RASGRP1: variants seen among roughly 807,000 people sequenced by gnomAD.
The protein encoded by RASGRP1 is RAS guanyl-releasing protein 1.
Under a neutral mutation model 95.1 loss-of-function variants are expected in RASGRP1, and 37 were observed. The ratio of observed to expected loss-of-function variants is 0.39; its 90% CI spans 0.30 to 0.51. The LOEUF is 0.51. RASGRP1 is among the 20% of genes least tolerant of loss of function. The pLI is 0.80. For missense variants in RASGRP1, 711 were observed against 965.4 expected (o/e 0.74, Z 3.49); for synonymous variants, 325 against 353.4 (o/e 0.92, Z 0.90).
In RASGRP1 at chr15:38,559,807, G is replaced by A. The variant is rs373307933; in HGVS notation, c.220+14C>T. 56 of 1,610,496 alleles carry A rather than the reference G, an allele frequency of 3.5e-5. No homozygotes were observed. Among genetic ancestry groups the A allele is most frequent in the Non-Finnish European group, 4.4e-5 (52 of 1,176,866 alleles). On this transcript the variant is annotated intron_variant, in intron 2 of 16. Transcript: ENST00000310803. ...AGAGTGATTTTTATGCCTGTGGGCA[G>A]TTAGCCAACTTACCAAAAGATTGAA...
chr15:38,560,040 G>C, intron 1 of RASGRP1, 35 bp from the exon 2 acceptor site: 1 of 1,543,770 alleles, frequency 6.5e-7, no homozygotes, highest in Non-Finnish European at 8.9e-7. Context: ...GGGGACAAAC[G>C]GGCAGCTCCA....
At chr15:38,560,829 G>A (rs1212403593) in intron 1 of RASGRP1, among the ~76,000 whole-genome samples, 1 of 152,162 alleles carries the variant, frequency 6.6e-6, no homozygotes, top group Non-Finnish European at 1.5e-5. Context: ...GTGTAAAAGG[G>A]CAAGTTTGGA....
chr15:38,544,881 T>G (rs943952998), intron 2 of RASGRP1, among the ~76,000 whole-genome samples: 6 of 152,246 alleles, frequency 3.9e-5, no homozygotes, highest in African/African-American at 1.4e-4. Flanking sequence ...ATGTCTGTCT[T>G]GTTTTCTGAG....
intron 8 of RASGRP1, 53 bp downstream of exon 8, chr15:38,511,551 G>A: frequency 7.2e-7 from 1 of 1,381,494 alleles, no homozygotes; most frequent in Admixed American, 1.7e-5. Context: ...GAAAATGTTG[G>A]CACACATCTT....
chr15:38,513,158 A>C (rs1052795403), intron 6 of RASGRP1, among the ~76,000 whole-genome samples: 6 of 152,238 alleles, frequency 3.9e-5, no homozygotes, highest in African/African-American at 1.4e-4. Flanking sequence ...TTCTACCCAC[A>C]GCATGATTTC....
intron 3 of RASGRP1, among the ~76,000 whole-genome samples, chr15:38,521,709 T>G (rs908212266): frequency 6.6e-6 from 1 of 152,200 alleles, no homozygotes. Context: ...TCTTCATAGC[T>G]AGTACTGTGG....
chr15:38,552,141 G>C (rs1273190139), intron 2 of RASGRP1, among the ~76,000 whole-genome samples: 1 of 152,150 alleles, frequency 6.6e-6, no homozygotes, highest in Non-Finnish European at 1.5e-5. Context: ...CTCTCATGCT[G>C]TTTTCATGTT....
chr15:38,517,478 T>C (rs1331671062), intron 5 of RASGRP1, among the ~76,000 whole-genome samples: 1 of 152,172 alleles, frequency 6.6e-6, no homozygotes, highest in African/African-American at 2.4e-5. Context: ...GAATGTAATC[T>C]TGAAATCATT....
chr15:38,497,346 T>G (rs1890834422), intron 15 of RASGRP1, among the ~76,000 whole-genome samples: 1 of 152,140 alleles, frequency 6.6e-6, no homozygotes, highest in South Asian at 2.1e-4. Flanking sequence ...CTCTCTAGAC[T>G]GTCTCATTTT....
chr15:38,511,661 G>A lies in RASGRP1; in HGVS notation c.909C>T (p.His303=), dbSNP rs1317732776. Residue 303 remains histidine (H), a synonymous_variant, in exon 8 of 17, where the codon CAC becomes CAT. Transcript: ENST00000310803. ...TCTCCTTGAGCCTCGAGATTGAGCT[G>A]TGACACAGCCCACCTATCACAGCCA... The part of the protein sequence containing the change: ...TLMAVIGGLC[H]SSISRLKETS... The A allele has an allele frequency of 6.2e-7, 1 of 1,613,550 alleles. No individual in the cohort carries two copies. The highest frequency in any genetic ancestry group is 8.5e-7 in the Non-Finnish European group (1 of 1,179,664).
At chr15:38,526,113 C>G (rs891422896) in intron 3 of RASGRP1, among the ~76,000 whole-genome samples, 186 bp downstream of exon 3, 6 of 152,062 alleles carry the variant, frequency 3.9e-5, no homozygotes, top group African/African-American at 1.4e-4. Flanking sequence ...ATAACATTGC[C>G]CCACCCAACA....
intron 2 of RASGRP1, among the ~76,000 whole-genome samples, chr15:38,545,076 CT>C (rs1893058285): frequency 6.6e-6 from 1 of 152,190 alleles, no homozygotes; most frequent in African/African-American, 2.4e-5. Flanking sequence ...ATATGTCCCA[CT>C]GGAGGTAAAT....
intron 3 of RASGRP1, among the ~76,000 whole-genome samples, chr15:38,521,832 T>C (rs1324516361): frequency 1.3e-5 from 2 of 152,204 alleles, no homozygotes; most frequent in Non-Finnish European, 2.9e-5. Flanking sequence ...GGAGACCATC[T>C]GAGCTTATTT....
intron 16 of RASGRP1, 79 bp downstream of exon 16, chr15:38,494,303 T>TAG: frequency 1.9e-6 from 3 of 1,539,054 alleles, no homozygotes; most frequent in Non-Finnish European, 2.7e-6. Flanking sequence ...ATCTGAATCT[T>TAG]CAGTCCACAT....
At chr15:38,530,826 C>G (rs908997644) in intron 2 of RASGRP1, among the ~76,000 whole-genome samples, 2 of 152,160 alleles carry the variant, frequency 1.3e-5, no homozygotes, top group Non-Finnish European at 2.9e-5. Context: ...ATGAAGAAAA[C>G]TTGGGGAAGA....
chr15:38,500,553 G>A (rs1056892523), intron 13 of RASGRP1, among the ~76,000 whole-genome samples: 8 of 151,774 alleles, frequency 5.3e-5, no homozygotes, highest in Admixed American at 3.3e-4. Flanking sequence ...ACCATGTTAG[G>A]TGGGCTGGTC....
At chr15:38,538,167 G>C (rs956579767) in intron 2 of RASGRP1, among the ~76,000 whole-genome samples, 1 of 152,204 alleles carries the variant, frequency 6.6e-6, no homozygotes, top group Non-Finnish European at 1.5e-5. Flanking sequence ...AGGAGGCTGA[G>C]GCATGAGAAT....
rs1485450892 is a variant in RASGRP1 at position 38,494,531 on chromosome 15, A to G, written c.2110T>C (p.Tyr704His). 10 of 1,594,858 alleles carry G rather than the reference A, an allele frequency of 6.3e-6. 1 individual carries two copies. In the South Asian group the frequency reaches 1.1e-4, roughly 18 times the overall value. Residue 704 changes from tyrosine to histidine, a missense_variant, in exon 16 of 17, where the codon TAT becomes CAT. This residue lies in a region of RASGRP1 where 212 missense variants were observed against 247.8 expected (regional missense o/e 0.86). Transcript: ENST00000310803. ...SPRKTAQDTL[Y>H]VLPSPTSPCP... Reference sequence around the variant, plus strand: ...GGAGAGGTGGGACTGGGAAGCACATATAGAGTATCCTGGGCTGTCTTCCTT... The same window carrying G: ...GGAGAGGTGGGACTGGGAAGCACATGTAGAGTATCCTGGGCTGTCTTCCTT...
chr15:38,541,454 T>C (rs1369983846), intron 2 of RASGRP1, among the ~76,000 whole-genome samples: 3 of 152,090 alleles, frequency 2.0e-5, no homozygotes, highest in African/African-American at 7.2e-5. Flanking sequence ...TTAGCTGGCA[T>C]GGTGGCTCAT....
Sources: allele counts gnomAD v4.1 joint callset (sites outside exome capture counted in the v4.1 genomes callset), GRCh38; gene constraint gnomAD v4.1.1; regional missense constraint gnomAD v4.1.1; transcripts MANE v1.5; gene names NCBI Gene and HGNC (gene_info 2026-07-23, HGNC 2026-07-21).